NUGGC: variants seen among roughly 807,000 people sequenced by gnomAD.
NUGGC encodes nuclear GTPase SLIP-GC.
Under a neutral mutation model 92.6 loss-of-function variants are expected in NUGGC, and 58 were observed. The observed-to-expected ratio is 0.63, with a 90% CI of 0.51 to 0.78. The LOEUF (loss-of-function observed/expected upper bound fraction) is 0.78, where lower values mean the gene tolerates loss of function less well. Among genes scored for constraint, NUGGC ranks in the 30% least tolerant of loss-of-function variants. The probability of loss-of-function intolerance (pLI) is 0.00; values close to 1 mark genes in which losing one functional copy is unlikely to be tolerated. For missense variants in NUGGC, 925 were observed against 964.6 expected, an observed-to-expected ratio of 0.96 and a Z score of 0.54; for synonymous variants, 376 against 366.4, an observed-to-expected ratio of 1.03 and a Z score of -0.30.
chr8:28,031,076 C>T (rs551588021), intron 15 of NUGGC, among the ~76,000 whole-genome samples, 167 bp downstream of exon 15: 34 of 152,318 alleles, frequency 2.2e-4, no homozygotes, highest in Non-Finnish European at 3.5e-4. Flanking sequence ...GGCCCACTGC[C>T]GTCCCCACAT....
intron 4 of NUGGC, among the ~76,000 whole-genome samples, 162 bp from the exon 5 acceptor site, chr8:28,068,600 C>T (rs10107497): frequency 0.35 from 52,649 of 152,030 alleles, 10,298 homozygotes; most frequent in East Asian, 0.59. Flanking sequence ...CCCTGTTGAC[C>T]ACACAGAGTT....
At chr8:28,069,724 T>C (rs766053822) in intron 3 of NUGGC, 72 bp from the exon 4 acceptor site, 73 of 848,696 alleles carry the variant, frequency 8.6e-5, no homozygotes, top group Non-Finnish European at 4.1e-6. Flanking sequence ...AAAGGAGGTG[T>C]CTGTTGAACA....
chr8:28,067,403 T>C (rs1810463263), intron 6 of NUGGC, 111 bp downstream of exon 6: 1 of 707,606 alleles, frequency 1.4e-6, no homozygotes, highest in African/African-American at 1.8e-5. Context: ...GGTAGCAACT[T>C]ATTTCTTATT....
At chr8:28,044,027 C>A (rs1809764809) in intron 12 of NUGGC, among the ~76,000 whole-genome samples, 1 of 151,784 alleles carries the variant, frequency 6.6e-6, no homozygotes, top group African/African-American at 2.4e-5. Flanking sequence ...GAAGAAAGAC[C>A]CCACACCACT....
Position 28,029,496 on chromosome 8 carries a change from C to T in NUGGC, c.2018-94G>A. The stretch of plus-strand genomic sequence containing the variant: ...GGGCATGGTGGCTCACACCTGTAAT[C>T]CCAGCGCTTTGGGAGGCTGAAGTGG... On this transcript the variant is annotated intron_variant, in intron 16 of 18. Transcript: ENST00000413272. 2 of 1,437,562 alleles carry T rather than the reference C, an allele frequency of 1.4e-6. 1 individual carries two copies. Among genetic ancestry groups the T allele is most frequent in the Admixed American group, 4.0e-5 (2 of 50,564 alleles). 89.1% of individuals were successfully genotyped at this position (1,437,562 alleles called of 1,614,324 possible). A position where few individuals can be genotyped will look rare whatever the true frequency, so the allele number is the denominator to read the frequency against.
intron 1 of NUGGC, among the ~76,000 whole-genome samples, chr8:28,082,831 A>G (rs1810883319): frequency 6.6e-6 from 1 of 152,124 alleles, no homozygotes; most frequent in Non-Finnish European, 1.5e-5. Context: ...ACTTGAGCCC[A>G]GAAGGTGAAG....
rs932024027 is a variant in NUGGC, at chr8:28,033,962, T to C, written c.1612-265A>G. 5.3e-5 allele frequency among the ~76,000 whole-genome samples: 8 copies of C among 152,378 alleles called. No individual in the cohort carries two copies. The East Asian group carries it at 1.3e-3, about 26-fold the overall frequency. ...CTGAAGTGATTCTGTGTTAGTTTACTCATTTGTCCGGCTCCTGTACTCAGC... is the reference window on the plus strand; with the variant it reads ...CTGAAGTGATTCTGTGTTAGTTTACCCATTTGTCCGGCTCCTGTACTCAGC... On this transcript the variant is annotated intron_variant, in intron 13 of 18. Transcript: ENST00000413272.
Position 28,076,952 on chromosome 8 carries a change from G to A in NUGGC, c.-46-2496C>T, listed in dbSNP as rs546716619. On this transcript the variant is annotated intron_variant, in intron 1 of 18. Transcript: ENST00000413272. ...GTCCAAAATGGAATGAGCTCCCTTA[G>A]GAAACCGTGAGTTTTCTGCCTCTAG... is the stretch of plus-strand genomic sequence containing the variant. Among the ~76,000 whole-genome samples the A allele has an allele frequency of 5.3e-5, 8 of 152,256 alleles. No individual in the cohort carries two copies. In the South Asian group the frequency reaches 1.7e-3, roughly 32 times the overall value.
intron 17 of NUGGC, 74 bp from the exon 18 acceptor site, chr8:28,027,126 A>C (rs1585549823): frequency 8.3e-7 from 1 of 1,198,962 alleles, no homozygotes. Flanking sequence ...AAGGGACCCC[A>C]CCCAGTCCCC....
intron 10 of NUGGC, among the ~76,000 whole-genome samples, chr8:28,053,592 G>A (rs74690811): frequency 1.3e-5 from 2 of 152,334 alleles, no homozygotes; most frequent in African/African-American, 4.8e-5. Context: ...CTTGCCATCA[G>A]AGGTGTGGGT....
intron 6 of NUGGC, 110 bp from the exon 7 acceptor site, chr8:28,064,841 G>T: frequency 1.2e-6 from 1 of 862,946 alleles, no homozygotes; most frequent in Non-Finnish European, 1.8e-6. Context: ...GGTAAGAAGT[G>T]CGTCCAACAG....
At chr8:28,043,348 A>G (rs927005933) in intron 12 of NUGGC, among the ~76,000 whole-genome samples, 1 of 152,246 alleles carries the variant, frequency 6.6e-6, no homozygotes, top group African/African-American at 2.4e-5. Context: ...ATGATTGCTC[A>G]TTTAAAATCA....
At chr8:28,028,827 A>G (rs1015065596) in intron 17 of NUGGC, among the ~76,000 whole-genome samples, 3 of 152,212 alleles carry the variant, frequency 2.0e-5, no homozygotes, top group Non-Finnish European at 1.5e-5. Flanking sequence ...TAGACAAGAC[A>G]TCTCCCTATC....
chr8:28,029,530 G>C (rs11786995), intron 16 of NUGGC, 128 bp from the exon 17 acceptor site: 390,300 of 989,238 alleles, frequency 0.39, 81,051 homozygotes, highest in Middle Eastern at 0.46. Flanking sequence ...GGGCAGATCA[G>C]CTGAGGTCAG....
At position 28,064,631 on chromosome 8, in the gene NUGGC, T is replaced by A; in HGVS notation, c.812A>T (p.His271Leu). 6.2e-7 allele frequency: 1 copy of A among 1,613,868 alleles called. No homozygotes were observed. Among genetic ancestry groups the A allele is most frequent in the Non-Finnish European group, 8.5e-7 (1 of 1,179,750 alleles). ...AEMRIWPLIK[H>L]VEVTLPKSDL... ...GGATTTGGGAAGTGTCACTTCCACA[T>A]GTTTGATCAAGGGCCAGATGCGCAT... is the stretch of plus-strand genomic sequence containing the variant. Residue 271 changes from histidine (H) to leucine (L), a missense_variant, in exon 7 of 19, where the codon CAT becomes CTT. By Grantham distance (99) the His-to-Leu change is moderately conservative. Transcript: ENST00000413272.
At chr8:28,068,548 C>T in intron 4 of NUGGC, 110 bp from the exon 5 acceptor site, 3 of 711,182 alleles carry the variant, frequency 4.2e-6, no homozygotes, top group Non-Finnish European at 7.3e-6. Context: ...GTCACTACAA[C>T]CTGAGTCTCT....
At position 28,080,870 on chromosome 8, in the gene NUGGC, T is replaced by C. The variant is rs1810833169; in HGVS notation, c.-47+2905A>G. On this transcript the variant is annotated intron_variant, in intron 1 of 18. Coordinates refer to ENST00000413272, the MANE Select transcript of NUGGC (RefSeq NM_001010906.2). ...GCTTCCATATTCCAGATGTGAATGG[T>C]GGAGCAAAAATTATTAGGGATTTGG... 2.0e-5 allele frequency among the ~76,000 whole-genome samples: 3 copies of C among 152,310 alleles called. 1 individual carries two copies. The highest frequency in any genetic ancestry group is 2.0e-4 in the Admixed American group (3 of 15,296).
intron 18 of NUGGC, among the ~76,000 whole-genome samples, chr8:28,023,878 G>A (rs1809182683): frequency 1.3e-5 from 2 of 151,888 alleles, no homozygotes; most frequent in Admixed American, 1.3e-4. Flanking sequence ...CCCATGATCT[G>A]TAATCAAACC....
intron 9 of NUGGC, among the ~76,000 whole-genome samples, chr8:28,056,575 G>C (rs1323558694): frequency 2.0e-5 from 3 of 151,240 alleles, no homozygotes; most frequent in Admixed American, 2.0e-4. Flanking sequence ...AATTGAAAAA[G>C]ATTTGAAGAT....
Sources: gnomAD v4.1 joint callset for allele counts (sites outside exome capture counted in the v4.1 genomes callset) on GRCh38, gnomAD v4.1.1 for gene constraint, MANE v1.5 for transcripts, NCBI Gene and HGNC (gene_info 2026-07-23, HGNC 2026-07-21) for gene names.